SPAG17: variants seen among roughly 807,000 people sequenced by gnomAD.
The protein encoded by SPAG17 is sperm-associated antigen 17.
Under a neutral mutation model 273.6 loss-of-function variants are expected in SPAG17, and 169 were observed. The ratio of observed to expected loss-of-function variants is 0.62; its 90% CI spans 0.55 to 0.70. The LOEUF is 0.70. Among genes scored for constraint, SPAG17 ranks in the 30% least tolerant of loss-of-function variants. The pLI is 0.00. For missense variants in SPAG17, 2,557 were observed against 2,627.8 expected, an observed-to-expected ratio of 0.97 and a Z score of 0.59; for synonymous variants, 825 against 873.2, an observed-to-expected ratio of 0.94 and a Z score of 0.97.
intron 7 of SPAG17, among the ~76,000 whole-genome samples, chr1:118,096,247 A>T (rs1655693690): frequency 6.6e-6 from 1 of 152,118 alleles, no homozygotes. Context: ...TCTCAAGGTA[A>T]TAGAACCAGG....
intron 3 of SPAG17, among the ~76,000 whole-genome samples, chr1:118,121,415 T>C (rs144524058): frequency 0.011 from 1,719 of 152,260 alleles, 30 homozygotes; most frequent in African/African-American, 0.04. Context: ...CAGTTCCTAA[T>C]CTGTCCATGG....
At chr1:118,045,518 C>T (rs2101950099) in intron 20 of SPAG17, among the ~76,000 whole-genome samples, 1 of 152,300 alleles carries the variant, frequency 6.6e-6, no homozygotes, top group African/African-American at 2.4e-5. Context: ...GACCTTGCTG[C>T]ATTTACCACT....
intron 13 of SPAG17, among the ~76,000 whole-genome samples, chr1:118,085,533 C>T (rs569846437): frequency 5.2e-4 from 72 of 137,228 alleles, no homozygotes; most frequent in South Asian, 2.4e-3. Context: ...TACGCGTGCG[C>T]GCGCGCACAC....
At chr1:118,024,354 T>C (rs543165250) in intron 27 of SPAG17, among the ~76,000 whole-genome samples, 9 of 152,172 alleles carry the variant, frequency 5.9e-5, no homozygotes, top group Non-Finnish European at 1.0e-4. Flanking sequence ...TAAGAACTCT[T>C]GATATTTTTC....
At position 118,099,610 on chromosome 1, in the gene SPAG17, T is replaced by G; in HGVS notation, c.825A>C (p.Ser275=). The change falls in exon 6 of 49, where the codon TCA becomes TCC. Residue 275 remains serine, a synonymous_variant. Coordinates refer to ENST00000336338, the MANE Select transcript of SPAG17 (RefSeq NM_206996.4). ...GTTGTGTAGCAGACTGCATACCTTCTGACTGAAGAAGAACTTCCTGCTGCT... is the reference window on the plus strand; with the variant it reads ...GTTGTGTAGCAGACTGCATACCTTCGGACTGAAGAAGAACTTCCTGCTGCT... The part of the protein sequence containing the change: ...VNQQQEVLLQ[S]EDLEAEKLKK... 1 of 1,613,968 alleles carries G rather than the reference T, an allele frequency of 6.2e-7. No homozygotes were observed. The highest frequency in any genetic ancestry group is 8.5e-7 in the Non-Finnish European group (1 of 1,179,836).
At chr1:117,980,227 T>TTTTTC (rs1230456320) in intron 43 of SPAG17, among the ~76,000 whole-genome samples, 7 of 152,174 alleles carry the variant, frequency 4.6e-5, no homozygotes, top group African/African-American at 1.4e-4. Context: ...TTTTTTTTCT[T>TTTTTC]TTTTCTTTTC....
chr1:118,055,817 T>A lies in SPAG17; in HGVS notation c.2638A>T (p.Thr880Ser), dbSNP rs1179135095. The change falls in exon 19 of 49, where the codon ACC becomes TCC. Residue 880 changes from threonine to serine, a missense_variant. Thr to Ser is a moderately conservative substitution (Grantham distance 58). Transcript: ENST00000336338. ...ESKMNEKIIR[T>S]RAELELKSSA... ...GATTTCAATTCCAGCTCAGCTCTGG[T>A]CCTGATGATTTTCTCATTCATTTTA... The A allele has an allele frequency of 1.2e-6, 2 of 1,613,282 alleles. No individual in the cohort carries two copies. Among genetic ancestry groups the A allele is most frequent in the Admixed American group, 3.3e-5 (2 of 59,976 alleles).
intron 1 of SPAG17, among the ~76,000 whole-genome samples, chr1:118,171,048 G>A (rs1660394744): frequency 6.6e-6 from 1 of 152,108 alleles, no homozygotes; most frequent in African/African-American, 2.4e-5. Context: ...AGAAGTAAAG[G>A]GCTCTTTTAA....
At chr1:117,988,610 T>G (rs1399255073) in intron 38 of SPAG17, among the ~76,000 whole-genome samples, 1 of 152,118 alleles carries the variant, frequency 6.6e-6, no homozygotes, top group Non-Finnish European at 1.5e-5. Context: ...GTTCAACAAT[T>G]TAGGCAGCGA....
chr1:117,960,771 T>G (rs1385863955), intron 48 of SPAG17: 2 of 152,002 alleles, frequency 1.3e-5, no homozygotes, highest in African/African-American at 2.4e-5. Context: ...TTATTTTACA[T>G]TTCTCCCAAA....
intron 1 of SPAG17, among the ~76,000 whole-genome samples, chr1:118,157,526 C>T (rs532328938): frequency 1.8e-4 from 27 of 152,206 alleles, no homozygotes; most frequent in Non-Finnish European, 3.7e-4. Context: ...CATTTCCCTA[C>T]TTCCCCACTC....
chr1:117,957,045 T>C (rs746002658), intron 48 of SPAG17: 226 of 1,537,694 alleles, frequency 1.5e-4, no homozygotes, highest in Non-Finnish European at 1.9e-4. Flanking sequence ...GTGGCATTTT[T>C]ATATTTATTT....
intron 23 of SPAG17, among the ~76,000 whole-genome samples, chr1:118,037,913 G>A (rs916042891): frequency 6.6e-6 from 1 of 152,134 alleles, no homozygotes; most frequent in African/African-American, 2.4e-5. Flanking sequence ...TTAAAATAAT[G>A]TAACTCATGC....
rs553805350 is a variant in SPAG17, at chr1:118,147,255, T to G, written c.315+3288A>C. ...ATCGTCTGATAGTGCCTGGCACTAGTGCTTTAACGAGTATGTTTGTTAATA... is the reference window on the plus strand; with the variant it reads ...ATCGTCTGATAGTGCCTGGCACTAGGGCTTTAACGAGTATGTTTGTTAATA... On this transcript the variant is annotated intron_variant, in intron 3 of 48. Coordinates refer to ENST00000336338, the MANE Select transcript of SPAG17 (RefSeq NM_206996.4). Among the ~76,000 whole-genome samples, 5 of 152,330 alleles carry G rather than the reference T, an allele frequency of 3.3e-5. No individual in the cohort carries two copies. In the South Asian group the frequency reaches 1.0e-3, roughly 32 times the overall value.
rs1396737620 is a variant in SPAG17 at position 117,953,661 on chromosome 1, G to C, written c.*389C>G. 7 of 906,076 alleles carry C rather than the reference G, an allele frequency of 7.7e-6. No individual in the cohort carries two copies. The highest frequency in any genetic ancestry group is 1.2e-5 in the Non-Finnish European group (7 of 595,518). 56.1% of individuals were successfully genotyped at this position (906,076 alleles called of 1,614,324 possible). ...TGGCAAAAAGTTGATGAGATTTAAA[G>C]ATGGGGATTATAACCTGTTTCCTTC... On this transcript the variant is annotated 3_prime_UTR_variant, in exon 49 of 49. Coordinates refer to ENST00000336338, the MANE Select transcript of SPAG17 (RefSeq NM_206996.4).
At chr1:117,991,315 A>G (rs1445100224) in intron 37 of SPAG17, 100 bp downstream of exon 37, 2 of 656,970 alleles carry the variant, frequency 3.0e-6, no homozygotes, top group African/African-American at 1.9e-5. Context: ...CAAATGCTTC[A>G]TGGAAGTGGC....
rs771579955 is a variant in SPAG17, at chr1:117,987,792, G to C, written c.5669+42C>G. The C allele has an allele frequency of 3.1e-6, 5 of 1,601,602 alleles. No individual in the cohort carries two copies. In the South Asian group the frequency reaches 4.4e-5, roughly 14 times the overall value. ...TATCCCATTCTCAGTCTATTACTCT[G>C]GGCCCTTTCAGGTCCTTATGTGCGT... On this transcript the variant is annotated intron_variant, in intron 40 of 48. Coordinates refer to ENST00000336338, the MANE Select transcript of SPAG17 (RefSeq NM_206996.4).
chr1:118,035,913 C>T (rs1199006527), intron 24 of SPAG17, among the ~76,000 whole-genome samples: 1 of 152,128 alleles, frequency 6.6e-6, no homozygotes, highest in Admixed American at 6.6e-5. Context: ...GGGTAGAAGG[C>T]CAGGTGCAGT....
intron 3 of SPAG17, among the ~76,000 whole-genome samples, chr1:118,135,306 T>C (rs1042729123): frequency 9.2e-5 from 14 of 151,922 alleles, no homozygotes; most frequent in Admixed American, 7.9e-4. Context: ...ATGAACTTAC[T>C]GTGCCAGAAC....
Sources: gnomAD v4.1 joint callset for allele counts (sites outside exome capture counted in the v4.1 genomes callset) on GRCh38, gnomAD v4.1.1 for gene constraint, MANE v1.5 for transcripts, NCBI Gene and HGNC (gene_info 2026-07-23, HGNC 2026-07-21) for gene names.